The following ATAD2B variants were observed in gnomAD, a reference collection of about 807,000 sequenced individuals.
The protein encoded by ATAD2B is ATPase family AAA domain-containing protein 2B.
In ATAD2B, 40 loss-of-function variants were observed where a neutral mutation model predicts 167.6. The observed-to-expected ratio is 0.24, with a 90% CI of 0.19 to 0.31. The LOEUF (loss-of-function observed/expected upper bound fraction) is 0.31. ATAD2B is among the 10% of genes least tolerant of loss of function. The pLI is 1.00. For synonymous variants in ATAD2B, 579 were observed against 596.5 expected, an observed-to-expected ratio of 0.97 and a Z score of 0.43; for missense variants, 1,242 against 1,757.2, an observed-to-expected ratio of 0.71 and a Z score of 5.24.
At chr2:23,826,241 CTTCT>C (rs1327115533) in intron 15 of ATAD2B, among the ~76,000 whole-genome samples, 5 of 152,152 alleles carry the variant, frequency 3.3e-5, no homozygotes, top group Admixed American at 1.3e-4. Flanking sequence ...AACATACTTC[CTTCT>C]AAAACTTTAA....
chr2:23,703,207 A>G, the ATAD2B span: 125 of 1,463,226 alleles, frequency 8.5e-5, no homozygotes, highest in African/African-American at 1.5e-3. Flanking sequence ...TCACCAACCA[A>G]TGGGAGGCGG....
chr2:23,741,823 T>C, the ATAD2B span, among the ~76,000 whole-genome samples: 249 of 152,050 alleles, frequency 1.6e-3, no homozygotes, highest in Non-Finnish European at 2.7e-3. Context: ...GGGCTAATAT[T>C]CAGAATCTAC....
At chr2:23,683,806 CCCA>C in the ATAD2B span, among the ~76,000 whole-genome samples, 2 of 152,068 alleles carry the variant, frequency 1.3e-5, no homozygotes, top group Admixed American at 6.6e-5. Context: ...CCGAAAAGTC[CCCA>C]CAAGTGTGAA....
chr2:23,717,949 C>T, the ATAD2B span, among the ~76,000 whole-genome samples: 2 of 152,024 alleles, frequency 1.3e-5, no homozygotes, highest in Non-Finnish European at 2.9e-5. Flanking sequence ...GAATAAAAAA[C>T]GAATAATGCC....
chr2:23,688,419 G>T, the ATAD2B span, among the ~76,000 whole-genome samples: 1 of 152,184 alleles, frequency 6.6e-6, no homozygotes, highest in South Asian at 2.1e-4. Flanking sequence ...GAAAACATCT[G>T]ATCTCTGAGG....
intron 2 of ATAD2B, among the ~76,000 whole-genome samples, chr2:23,888,680 T>A (rs1699040395): frequency 6.6e-6 from 1 of 152,160 alleles, no homozygotes; most frequent in Admixed American, 6.6e-5. Flanking sequence ...AAGCTTAATA[T>A]ATACCATAAA....
Position 23,887,939 on chromosome 2 carries a change from G to C in ATAD2B, c.465C>G (p.Asp155Glu), listed in dbSNP as rs1281009969. The C allele has an allele frequency of 6.2e-7, 1 of 1,607,628 alleles. No homozygotes were observed. Among genetic ancestry groups the C allele is most frequent in the African/African-American group, 1.3e-5 (1 of 74,372 alleles). Reference protein sequence around the residue: ...PLRGEKKGDGDLSCINGDMEV... With the variant: ...PLRGEKKGDGELSCINGDMEV... Reference sequence around the variant, plus strand: ...CCATGTCACCATTTATACAAGAAAGGTCCCCATCTCCCTTCTTTTCCCCTC... The same window carrying C: ...CCATGTCACCATTTATACAAGAAAGCTCCCCATCTCCCTTCTTTTCCCCTC... The change falls in exon 4 of 28, where the codon GAC becomes GAG. Residue 155 changes from aspartate to glutamate, a missense_variant. Asp to Glu is a conservative substitution (Grantham distance 45). Coordinates refer to ENST00000238789, the MANE Select transcript of ATAD2B (RefSeq NM_017552.4).
At chr2:23,774,745 C>G (rs1678822195) in intron 22 of ATAD2B, among the ~76,000 whole-genome samples, 1 of 151,950 alleles carries the variant, frequency 6.6e-6, no homozygotes, top group African/African-American at 2.4e-5. Context: ...ACTAAAAATA[C>G]AAAAATTAGC....
intron 8 of ATAD2B, among the ~76,000 whole-genome samples, chr2:23,874,497 G>A (rs1424892295): frequency 2.0e-5 from 3 of 152,016 alleles, no homozygotes; most frequent in Non-Finnish European, 4.4e-5. Flanking sequence ...GAGCCCAGGA[G>A]TTCAAGACCA....
intron 1 of ATAD2B, among the ~76,000 whole-genome samples, chr2:23,902,337 T>C (rs368214358): frequency 4.1e-4 from 62 of 152,264 alleles, no homozygotes; most frequent in African/African-American, 1.4e-3. Flanking sequence ...AAAGACTCCT[T>C]CCCTCCAAAG....
chr2:23,719,558 T>C, the ATAD2B span, among the ~76,000 whole-genome samples: 1 of 152,080 alleles, frequency 6.6e-6, no homozygotes, highest in African/African-American at 2.4e-5. Flanking sequence ...GTTCTCAGGA[T>C]TGCAGAGAAG....
intron 13 of ATAD2B, among the ~76,000 whole-genome samples, chr2:23,850,007 G>A (rs964714479): frequency 4.6e-5 from 7 of 151,872 alleles, no homozygotes; most frequent in African/African-American, 1.2e-4. Flanking sequence ...GCTGGGTGTG[G>A]TGGCATGCCT....
chr2:23,705,125 C>T, the ATAD2B span, among the ~76,000 whole-genome samples: 1 of 152,234 alleles, frequency 6.6e-6, no homozygotes, highest in Non-Finnish European at 1.5e-5. Context: ...CTGACTACCC[C>T]GTCCACTGAT....
intron 17 of ATAD2B, among the ~76,000 whole-genome samples, chr2:23,814,826 G>A (rs1036746618): frequency 2.6e-5 from 4 of 151,894 alleles, no homozygotes; most frequent in Admixed American, 2.6e-4. Flanking sequence ...AGGCCAAGGC[G>A]GGCAGATCAT....
the ATAD2B span, among the ~76,000 whole-genome samples, chr2:23,724,532 A>G: frequency 6.6e-6 from 1 of 152,202 alleles, no homozygotes; most frequent in African/African-American, 2.4e-5. Flanking sequence ...TCTAACACTC[A>G]TGTCACTGAA....
At chr2:23,792,430 T>C (rs1440104639) in intron 19 of ATAD2B, among the ~76,000 whole-genome samples, 1 of 151,194 alleles carries the variant, frequency 6.6e-6, no homozygotes, top group Non-Finnish European at 1.5e-5. Flanking sequence ...CTGCAACCTT[T>C]GTAATAAGAA....
At chr2:23,686,600 G>A in the ATAD2B span, among the ~76,000 whole-genome samples, 3 of 151,988 alleles carry the variant, frequency 2.0e-5, no homozygotes, top group Non-Finnish European at 4.4e-5. Flanking sequence ...CAGAGGTCAC[G>A]GGCATCAGAG....
At chr2:23,745,420 G>GGAAGGAAGGAA, downstream of ATAD2B, among the ~76,000 whole-genome samples, 7 of 125,350 alleles carry the variant, frequency 5.6e-5, no homozygotes, top group Non-Finnish European at 6.7e-5. Context: ...AAGGAAGGAA[G>GGAAGGAAGGAA]GAAAGGGAAG....
intron 18 of ATAD2B, among the ~76,000 whole-genome samples, chr2:23,802,564 T>G (rs897499223): frequency 6.6e-6 from 1 of 151,890 alleles, no homozygotes; most frequent in South Asian, 2.1e-4. Flanking sequence ...ATATTTTCAT[T>G]CCCTAAGGAC....
Sources: gnomAD v4.1 joint callset for allele counts (sites outside exome capture counted in the v4.1 genomes callset) on GRCh38, gnomAD v4.1.1 for gene constraint, MANE v1.5 for transcripts, NCBI Gene and HGNC (gene_info 2026-07-23, HGNC 2026-07-21) for gene names.